The following CALN1 variants were observed in gnomAD, a reference collection of about 807,000 sequenced individuals.
CALN1 encodes calneuron 1.
A neutral mutation model predicts 30.6 loss-of-function variants in CALN1; 17 were observed. That is an observed-to-expected ratio of 0.56 (90% confidence interval 0.38 to 0.83). The LOEUF (loss-of-function observed/expected upper bound fraction) is 0.83, where lower values mean the gene tolerates loss of function less well. Among genes scored for constraint, CALN1 ranks in the 40% least tolerant of loss-of-function variants. CALN1 has a pLI of 0.00. For synonymous variants in CALN1, 156 were observed against 131.4 expected (o/e 1.19, Z -1.28); for missense variants, 291 against 354.9 (o/e 0.82, Z 1.45).
At chr7:72,281,949 G>A (rs1053610353) in intron 2 of CALN1, among the ~76,000 whole-genome samples, 1 of 151,716 alleles carries the variant, frequency 6.6e-6, no homozygotes, top group Non-Finnish European at 1.5e-5. Flanking sequence ...GAAAAAAAAA[G>A]GCAGCTTACA....
intron 2 of CALN1, among the ~76,000 whole-genome samples, chr7:72,365,420 T>G (rs547434479): frequency 2.6e-4 from 39 of 152,250 alleles, no homozygotes; most frequent in African/African-American, 8.4e-4. Flanking sequence ...ACTAGCAAAG[T>G]GCATAAAATG....
At chr7:72,013,235 T>C (rs1206451810) in intron 5 of CALN1, among the ~76,000 whole-genome samples, 1 of 151,212 alleles carries the variant, frequency 6.6e-6, no homozygotes, top group African/African-American at 2.4e-5. Context: ...AATGTAATTT[T>C]GCTAATTTGA....
At chr7:72,288,498 A>G (rs1209144233) in intron 2 of CALN1, among the ~76,000 whole-genome samples, 1 of 151,864 alleles carries the variant, frequency 6.6e-6, no homozygotes, top group Non-Finnish European at 1.5e-5. Flanking sequence ...AAGGAATTAG[A>G]CTCCACCTTT....
chr7:72,198,784 T>G (rs562146369), intron 3 of CALN1, among the ~76,000 whole-genome samples: 1 of 152,334 alleles, frequency 6.6e-6, no homozygotes, highest in African/African-American at 2.4e-5. Context: ...GAAAGGCAGA[T>G]GGGTGCCCTA....
At chr7:72,006,800 G>C (rs779694539) in intron 5 of CALN1, among the ~76,000 whole-genome samples, 3 of 152,092 alleles carry the variant, frequency 2.0e-5, no homozygotes, top group Non-Finnish European at 4.4e-5. Flanking sequence ...GCTCATGTCT[G>C]TTCCTTACAC....
At chr7:72,280,691 T>C (rs1797673304) in intron 2 of CALN1, among the ~76,000 whole-genome samples, 1 of 152,162 alleles carries the variant, frequency 6.6e-6, no homozygotes, top group South Asian at 2.1e-4. Context: ...ACTGCCATAA[T>C]GTGAATGTCT....
At chr7:72,048,365 A>G (rs1022689612) in intron 4 of CALN1, among the ~76,000 whole-genome samples, 1 of 151,784 alleles carries the variant, frequency 6.6e-6, no homozygotes, top group Non-Finnish European at 1.5e-5. Flanking sequence ...CATCCTTTTC[A>G]ATTTGTTTTT....
intron 5 of CALN1, among the ~76,000 whole-genome samples, chr7:71,827,493 G>A (rs915105334): frequency 4.6e-5 from 7 of 152,076 alleles, no homozygotes; most frequent in Non-Finnish European, 8.8e-5. Flanking sequence ...GAGTGAGGAC[G>A]GGCATGGTGG....
At chr7:72,167,676 C>T (rs1788625664) in intron 3 of CALN1, among the ~76,000 whole-genome samples, 1 of 152,194 alleles carries the variant, frequency 6.6e-6, no homozygotes, top group Non-Finnish European at 1.5e-5. Flanking sequence ...TAGTCACATG[C>T]TCTGTGAATT....
the CALN1 span, among the ~76,000 whole-genome samples, chr7:72,489,337 T>C: frequency 6.6e-6 from 1 of 152,230 alleles, no homozygotes; most frequent in Non-Finnish European, 1.5e-5. Flanking sequence ...GGCACAGTCT[T>C]ATCTGTAAAT....
rs536439393 is a variant in CALN1 at position 72,005,902 on chromosome 7, T to C, written c.501+17755A>G. Among the ~76,000 whole-genome samples, 16 of 138,934 alleles carry C rather than the reference T, an allele frequency of 1.2e-4. No individual in the cohort carries two copies. In the East Asian group the frequency reaches 3.0e-3, roughly 26 times the overall value. 91.1% of individuals were successfully genotyped at this position (138,934 alleles called of 152,430 possible). A position where few individuals can be genotyped will look rare whatever the true frequency, so the allele number is the denominator to read the frequency against. On this transcript the variant is annotated intron_variant, in intron 5 of 6. Transcript: ENST00000395275. ...TGGTAGACACAGAAACCTACACACA[T>C]GTGATAAAACTGTATGGAAGTCAAC...
At chr7:71,870,047 T>TG (rs889712847) in intron 5 of CALN1, among the ~76,000 whole-genome samples, 4 of 151,652 alleles carry the variant, frequency 2.6e-5, no homozygotes, top group African/African-American at 9.7e-5. Flanking sequence ...CGATGAGGAG[T>TG]GGGGATGGGC....
At chr7:72,108,608 C>T (rs998717824) in intron 3 of CALN1, among the ~76,000 whole-genome samples, 3 of 152,068 alleles carry the variant, frequency 2.0e-5, no homozygotes, top group Non-Finnish European at 2.9e-5. Context: ...TTGTGTAAGA[C>T]CTTGTTCTTA....
chr7:71,828,074 G>A (rs960613362), intron 5 of CALN1, among the ~76,000 whole-genome samples: 2 of 152,164 alleles, frequency 1.3e-5, no homozygotes, highest in African/African-American at 4.8e-5. Context: ...CCATGCTGAA[G>A]TGCATTTCCT....
At chr7:72,380,408 A>T (rs1804815201) in intron 2 of CALN1, among the ~76,000 whole-genome samples, 1 of 152,184 alleles carries the variant, frequency 6.6e-6, no homozygotes, top group Non-Finnish European at 1.5e-5. Flanking sequence ...GGATCATTTG[A>T]AGCCAGGAGT....
intron 5 of CALN1, among the ~76,000 whole-genome samples, chr7:71,901,713 C>T (rs1793860558): frequency 6.6e-6 from 1 of 152,012 alleles, no homozygotes; most frequent in Non-Finnish European, 1.5e-5. Flanking sequence ...AACTGGAGAG[C>T]CATATGCAGA....
intron 2 of CALN1, among the ~76,000 whole-genome samples, chr7:72,389,213 C>T (rs796974979): frequency 6.6e-6 from 1 of 152,198 alleles, no homozygotes; most frequent in African/African-American, 2.4e-5. Context: ...TCAAACACCC[C>T]CTGGGGACCA....
At chr7:72,157,135 T>C (rs1787746181) in intron 3 of CALN1, among the ~76,000 whole-genome samples, 1 of 152,234 alleles carries the variant, frequency 6.6e-6, no homozygotes, top group Non-Finnish European at 1.5e-5. Context: ...TGGGAGATCT[T>C]GATCGATGAC....
chr7:71,808,864 G>C (rs1322347734), intron 6 of CALN1, among the ~76,000 whole-genome samples: 1 of 152,098 alleles, frequency 6.6e-6, no homozygotes, highest in Non-Finnish European at 1.5e-5. Context: ...GGGAAGGCCA[G>C]GTCTGCTGTT....
Sources: gnomAD v4.1 joint callset for allele counts (sites outside exome capture counted in the v4.1 genomes callset) on GRCh38, gnomAD v4.1.1 for gene constraint, MANE v1.5 for transcripts, NCBI Gene and HGNC (gene_info 2026-07-23, HGNC 2026-07-21) for gene names.